The following LIMCH1 variants were observed in gnomAD, a reference collection of about 807,000 sequenced individuals.
The protein encoded by LIMCH1 is LIM and calponin homology domains 1.
In LIMCH1, 113 loss-of-function variants were observed where a neutral mutation model predicts 176.5. That is an observed-to-expected ratio of 0.64 (90% CI 0.55 to 0.75). The LOEUF (loss-of-function observed/expected upper bound fraction) is 0.75, where lower values mean the gene tolerates loss of function less well. Ranked by LOEUF, LIMCH1 falls within the 30% of genes least tolerant of loss-of-function variation. LIMCH1 has a pLI of 0.00. For synonymous variants in LIMCH1, 619 were observed against 645.9 expected (o/e 0.96, Z 0.63); for missense variants, 1,674 against 1,814.9 (o/e 0.92, Z 1.41).
chr4:41,617,500 C>A (rs1264826971), intron 5 of LIMCH1, among the ~76,000 whole-genome samples: 17 of 152,066 alleles, frequency 1.1e-4, no homozygotes, highest in Admixed American at 1.1e-3. Flanking sequence ...ACAGGGGGCT[C>A]TAAACATTTC....
rs138731731 is a variant in LIMCH1 at position 41,566,361 on chromosome 4, C to T, written c.-241+28011C>T. Among the ~76,000 whole-genome samples the T allele has an allele frequency of 4.3e-3, 648 of 152,232 alleles. 9 individuals are homozygous for T. The highest frequency in any genetic ancestry group is 0.015 in the African/African-American group (625 of 41,528). On this transcript the variant is annotated intron_variant, in intron 1 of 31. Coordinates refer to ENST00000503057, the MANE Select transcript of LIMCH1 (RefSeq NM_001330672.2). ...ACTATCTATGGCAGCTATAGCCTTACAAATATATTTCTTAGATAATAGGAC... is the reference window on the plus strand; with the variant it reads ...ACTATCTATGGCAGCTATAGCCTTATAAATATATTTCTTAGATAATAGGAC...
At chr4:41,370,071 G>T (rs116183417) in intron 1 of LIMCH1, among the ~76,000 whole-genome samples, 3,131 of 151,998 alleles carry the variant, frequency 0.021, 57 homozygotes, top group Middle Eastern at 0.034. Context: ...TATTCTTTAG[G>T]GTGCTAACCC....
intron 2 of LIMCH1, among the ~76,000 whole-genome samples, chr4:41,521,178 A>G (rs2076085278): frequency 6.6e-6 from 1 of 152,160 alleles, no homozygotes; most frequent in Non-Finnish European, 1.5e-5. Context: ...CTTTGATGAC[A>G]CATACTGAGG....
At chr4:41,592,351 T>A (rs1260077798) in intron 1 of LIMCH1, among the ~76,000 whole-genome samples, 1 of 152,230 alleles carries the variant, frequency 6.6e-6, no homozygotes, top group African/African-American at 2.4e-5. Context: ...TATAAGCAGC[T>A]ACCCTCCAAA....
chr4:41,615,119 C>A (rs924408889), intron 5 of LIMCH1, among the ~76,000 whole-genome samples: 1 of 152,122 alleles, frequency 6.6e-6, no homozygotes, highest in Admixed American at 6.5e-5. Context: ...AGTTAAATAC[C>A]AAGTTCACTA....
chr4:41,697,090 G>A, intron 31 of LIMCH1, 70 bp from the exon 32 acceptor site: 1 of 1,527,412 alleles, frequency 6.5e-7, no homozygotes, highest in South Asian at 1.1e-5. Context: ...TCATTAGGGA[G>A]GTTTTAAAAT....
chr4:41,550,370 T>C (rs993396169), intron 1 of LIMCH1, among the ~76,000 whole-genome samples: 2 of 151,912 alleles, frequency 1.3e-5, no homozygotes, highest in Non-Finnish European at 2.9e-5. Flanking sequence ...CATTTTATTC[T>C]CCTAGGTATT....
At position 41,612,787 on chromosome 4, in the gene LIMCH1, G is replaced by A. The variant is rs1265526713; in HGVS notation, c.10-679G>A. 9 of 884,388 alleles carry A rather than the reference G, an allele frequency of 1.0e-5. No individual in the cohort carries two copies. The African/African-American group carries it at 1.4e-4, about 13-fold the overall frequency. 54.8% of individuals were successfully genotyped at this position (884,388 alleles called of 1,614,324 possible). ...CCAGCGCCAAGAGCTGGCTGAGAGCGAGAGCATGCCTGGATTCTTCTGAGG... is the reference window on the plus strand; with the variant it reads ...CCAGCGCCAAGAGCTGGCTGAGAGCAAGAGCATGCCTGGATTCTTCTGAGG... On this transcript the variant is annotated intron_variant, in intron 4 of 31. Coordinates refer to ENST00000503057, the MANE Select transcript of LIMCH1 (RefSeq NM_001330672.2).
At chr4:41,381,768 C>T (rs1053545783) in intron 1 of LIMCH1, among the ~76,000 whole-genome samples, 3 of 152,128 alleles carry the variant, frequency 2.0e-5, no homozygotes, top group African/African-American at 7.2e-5. Context: ...GCCAAATTGC[C>T]CCACTTGCCC....
At chr4:41,653,058 TA>T (rs1480131563) in intron 18 of LIMCH1, among the ~76,000 whole-genome samples, 1 of 152,082 alleles carries the variant, frequency 6.6e-6, no homozygotes, top group Non-Finnish European at 1.5e-5. Context: ...TGGCAGGGGG[TA>T]TTGCATTACT....
chr4:41,497,920 G>A (rs2072502453), intron 2 of LIMCH1, among the ~76,000 whole-genome samples: 1 of 152,164 alleles, frequency 6.6e-6, no homozygotes, highest in South Asian at 2.1e-4. Context: ...ATTGGCAGGT[G>A]GAGAGAGGAG....
At chr4:41,690,783 A>C (rs1447793463) in intron 30 of LIMCH1, among the ~76,000 whole-genome samples, 1 of 152,214 alleles carries the variant, frequency 6.6e-6, no homozygotes, top group African/African-American at 2.4e-5. Flanking sequence ...TACTTATTTT[A>C]GATTTCATTT....
intron 1 of LIMCH1, among the ~76,000 whole-genome samples, chr4:41,445,089 T>A (rs2063143817): frequency 7.0e-6 from 1 of 143,326 alleles, no homozygotes; most frequent in Non-Finnish European, 1.5e-5. Flanking sequence ...CACTGCAACC[T>A]CCACCTCCCA....
At chr4:41,364,575 G>A (rs886932763) in intron 1 of LIMCH1, among the ~76,000 whole-genome samples, 3 of 152,138 alleles carry the variant, frequency 2.0e-5, no homozygotes, top group Non-Finnish European at 2.9e-5. Flanking sequence ...GTGACTTGGG[G>A]ATCAGAGAAA....
chr4:41,627,046 G>C, intron 8 of LIMCH1, 36 bp downstream of exon 8: 1 of 1,496,898 alleles, frequency 6.7e-7, no homozygotes, highest in South Asian at 1.3e-5. Context: ...GTGTGTGTGT[G>C]TGTGTGTCTA....
chr4:41,372,199 C>G (rs1181869927), intron 1 of LIMCH1, among the ~76,000 whole-genome samples: 1 of 152,146 alleles, frequency 6.6e-6, no homozygotes. Context: ...TGCGCTCTTG[C>G]CCCCCACCTT....
Position 41,679,996 on chromosome 4 carries a change from T to C in LIMCH1, c.3520-10T>C. The C allele has an allele frequency of 1.3e-6, 2 of 1,596,504 alleles. No homozygotes were observed. The highest frequency in any genetic ancestry group is 1.7e-6 in the Non-Finnish European group (2 of 1,168,372). ...TCAGTTGAGAACAATCTATGGAAAT[T>C]CCATAACAGGAGAGATACCAGAAGG... On this transcript the variant is annotated splice_polypyrimidine_tract_variant and intron_variant, in intron 23 of 31. Transcript: ENST00000503057.
At chr4:41,553,581 C>T (rs1237828002) in intron 1 of LIMCH1, among the ~76,000 whole-genome samples, 1 of 152,036 alleles carries the variant, frequency 6.6e-6, no homozygotes, top group East Asian at 1.9e-4. Flanking sequence ...TTGAGAATCC[C>T]TGTGTACCTG....
At chr4:41,367,641 C>A (rs1027380968) in intron 1 of LIMCH1, among the ~76,000 whole-genome samples, 12 of 136,190 alleles carry the variant, frequency 8.8e-5, no homozygotes, top group Non-Finnish European at 1.7e-4. Context: ...GAGATCCAGA[C>A]CATTCTGGCT....
Sources: allele counts gnomAD v4.1 joint callset (sites outside exome capture counted in the v4.1 genomes callset), GRCh38; gene constraint gnomAD v4.1.1; transcripts MANE v1.5; gene names NCBI Gene and HGNC (gene_info 2026-07-23, HGNC 2026-07-21).